ADGRL2: variants seen among roughly 807,000 people sequenced by gnomAD.
ADGRL2 encodes the protein calcium-independent alpha-latrotoxin receptor 2.
Under a neutral mutation model 157.4 loss-of-function variants are expected in ADGRL2, and 44 were observed. That is an observed-to-expected ratio of 0.28 (90% CI 0.22 to 0.36). The LOEUF is 0.36. Ranked by LOEUF, ADGRL2 falls within the 10% of genes least tolerant of loss-of-function variation. The probability of loss-of-function intolerance (pLI) is 1.00; values close to 1 mark genes in which losing one functional copy is unlikely to be tolerated. For synonymous variants in ADGRL2, 585 were observed against 624.7 expected (o/e 0.94, Z 0.95); for missense variants, 1,510 against 1,768.9 (o/e 0.85, Z 2.63).
intron 17 of ADGRL2, among the ~76,000 whole-genome samples, chr1:81,978,965 A>T (rs937041333): frequency 6.6e-6 from 1 of 151,830 alleles, no homozygotes; most frequent in Non-Finnish European, 1.5e-5. Flanking sequence ...GCAAAAAAAA[A>T]TTCAGGAACA....
chr1:81,452,726 A>T (rs189542392), intron 2 of ADGRL2, among the ~76,000 whole-genome samples: 2 of 152,320 alleles, frequency 1.3e-5, no homozygotes, highest in Admixed American at 6.5e-5. Context: ...TCCAAGTTGA[A>T]TCCTAATTCT....
At position 81,920,755 on chromosome 1, in the gene ADGRL2, G is replaced by C. The variant is rs144412643; in HGVS notation, c.287+13525G>C. ...CTAAGAGCACTCCCAATAAGCCTCT[G>C]AGAGATCTCTGCCTCAAATCTGTGC... is the stretch of plus-strand genomic sequence containing the variant. On this transcript the variant is annotated intron_variant, in intron 3 of 23. Transcript: ENST00000686636. Among the ~76,000 whole-genome samples the C allele has an allele frequency of 2.4e-4, 36 of 151,862 alleles. No homozygotes were observed. The East Asian group carries it at 6.6e-3, about 28-fold the overall frequency.
At chr1:81,465,459 G>T (rs988752776) in intron 2 of ADGRL2, among the ~76,000 whole-genome samples, 5 of 151,728 alleles carry the variant, frequency 3.3e-5, no homozygotes, top group Non-Finnish European at 7.4e-5. Context: ...ATTTAATTTC[G>T]TTCCATGTTT....
chr1:81,596,116 TAACAAC>T, intron 3 of ADGRL2: 1 of 339,770 alleles, frequency 2.9e-6, no homozygotes, highest in Non-Finnish European at 5.6e-6. Context: ...TTTTTTTTTT[TAACAAC>T]TGGTAATCAA....
At chr1:81,972,279 G>T (rs1358966783) in intron 17 of ADGRL2, among the ~76,000 whole-genome samples, 1 of 151,912 alleles carries the variant, frequency 6.6e-6, no homozygotes, top group Non-Finnish European at 1.5e-5. Context: ...GTAATTTAAT[G>T]AATTACTATG....
intron 1 of ADGRL2, among the ~76,000 whole-genome samples, chr1:81,713,941 C>T (rs1034935895): frequency 6.6e-6 from 1 of 152,150 alleles, no homozygotes; most frequent in Non-Finnish European, 1.5e-5. Flanking sequence ...CTCACAGTTC[C>T]ACATGGCTGG....
chr1:81,839,912 ATC>A, intron 2 of ADGRL2, among the ~76,000 whole-genome samples: 1 of 134,490 alleles, frequency 7.4e-6, no homozygotes, highest in African/African-American at 2.9e-5. Context: ...TATATTTTCC[ATC>A]ATATATATAT....
intron 3 of ADGRL2, among the ~76,000 whole-genome samples, chr1:81,669,140 C>G (rs1045993492): frequency 6.6e-6 from 1 of 151,980 alleles, no homozygotes; most frequent in Admixed American, 6.6e-5. Flanking sequence ...CCAACAGACA[C>G]AAGTTGGAAT....
chr1:81,509,228 A>C (rs2079032859), intron 2 of ADGRL2, among the ~76,000 whole-genome samples: 1 of 152,156 alleles, frequency 6.6e-6, no homozygotes, highest in South Asian at 2.1e-4. Flanking sequence ...AGTAATTCTG[A>C]TACCCTGTTA....
At chr1:81,405,933 C>T (rs2076846495) in intron 1 of ADGRL2, among the ~76,000 whole-genome samples, 1 of 151,912 alleles carries the variant, frequency 6.6e-6, no homozygotes, top group Non-Finnish European at 1.5e-5. Flanking sequence ...AATTTTAGTC[C>T]TCTTGAAAAA....
intron 2 of ADGRL2, among the ~76,000 whole-genome samples, chr1:81,795,009 G>C (rs2087519185): frequency 1.3e-5 from 2 of 152,142 alleles, no homozygotes; most frequent in South Asian, 4.1e-4. Flanking sequence ...AAAAACATTA[G>C]TAAGAGTTAA....
chr1:81,592,321 C>G (rs2081148457), intron 3 of ADGRL2, among the ~76,000 whole-genome samples: 1 of 152,206 alleles, frequency 6.6e-6, no homozygotes, highest in African/African-American at 2.4e-5. Flanking sequence ...ATACTCAATT[C>G]TGTCTAAAAA....
intron 2 of ADGRL2, among the ~76,000 whole-genome samples, chr1:81,528,942 A>G (rs1570399637): frequency 6.6e-6 from 1 of 152,224 alleles, no homozygotes; most frequent in East Asian, 1.9e-4. Context: ...CAGAGAAGTA[A>G]GAAGGGTGTT....
chr1:81,308,648 T>TC (rs1347880529), intron 1 of ADGRL2, among the ~76,000 whole-genome samples: 1 of 152,156 alleles, frequency 6.6e-6, no homozygotes, highest in Non-Finnish European at 1.5e-5. Context: ...ATAAAGGCAC[T>TC]CCCCATGGAA....
intron 3 of ADGRL2, among the ~76,000 whole-genome samples, chr1:81,909,838 C>T (rs1170133675): frequency 6.6e-6 from 1 of 151,928 alleles, no homozygotes; most frequent in Non-Finnish European, 1.5e-5. Context: ...CAGTATCATT[C>T]AAATTCAAGA....
At chr1:81,527,711 CAAA>C (rs563803245) in intron 2 of ADGRL2, among the ~76,000 whole-genome samples, 1 of 141,126 alleles carries the variant, frequency 7.1e-6, no homozygotes, top group Non-Finnish European at 1.5e-5. Context: ...AACTCTGCCT[CAAA>C]AAAAAAAAGT....
chr1:81,622,349 G>A (rs1388720488), intron 3 of ADGRL2, among the ~76,000 whole-genome samples: 3 of 151,280 alleles, frequency 2.0e-5, no homozygotes, highest in Non-Finnish European at 4.4e-5. Flanking sequence ...TTGGGAGGCC[G>A]AGGCTGGCGG....
intron 1 of ADGRL2, among the ~76,000 whole-genome samples, chr1:81,428,385 T>A (rs1355969541): frequency 1.3e-5 from 2 of 151,708 alleles, no homozygotes; most frequent in East Asian, 3.9e-4. Flanking sequence ...TTTTAGGATA[T>A]CATGTTGCAG....
At chr1:81,914,460 C>T (rs904575898) in intron 3 of ADGRL2, among the ~76,000 whole-genome samples, 13 of 152,172 alleles carry the variant, frequency 8.5e-5, no homozygotes, top group African/African-American at 3.1e-4. Flanking sequence ...GTTACTCTTG[C>T]TTAGCATATT....
Sources: allele counts gnomAD v4.1 joint callset (sites outside exome capture counted in the v4.1 genomes callset), GRCh38; gene constraint gnomAD v4.1.1; transcripts MANE v1.5; gene names NCBI Gene and HGNC (gene_info 2026-07-23, HGNC 2026-07-21).